Variants in CERS4 observed in about 807,000 individuals in gnomAD.
CERS4 encodes ceramide synthase 4.
In CERS4, 65 loss-of-function variants were observed where a neutral mutation model predicts 51.8. The ratio of observed to expected loss-of-function variants is 1.26; its 90% CI spans 1.03 to 1.54. The LOEUF is 1.54. Ranked by LOEUF, CERS4 falls within the 40% of genes most tolerant of loss-of-function variation. The pLI, the probability that CERS4 is intolerant of heterozygous loss-of-function variation, is 0.00. For synonymous variants in CERS4, 228 were observed against 208.4 expected (o/e 1.09, Z -0.81); for missense variants, 563 against 500.4 (o/e 1.13, Z -1.19).
intron 2 of CERS4, among the ~76,000 whole-genome samples, chr19:8,232,889 A>ATTTT (rs34774744): frequency 1.7e-5 from 1 of 59,172 alleles, no homozygotes; most frequent in African/African-American, 6.6e-5. Context: ...TGCCTCGCTG[A>ATTTT]TTTTTTTTTT....
intron 2 of CERS4, among the ~76,000 whole-genome samples, chr19:8,220,976 G>A (rs1231017946): frequency 2.6e-5 from 4 of 151,644 alleles, no homozygotes; most frequent in East Asian, 1.9e-4. Flanking sequence ...CGCCCGCCAC[G>A]GTGCCTGGCT....
intron 2 of CERS4, among the ~76,000 whole-genome samples, chr19:8,232,551 C>T (rs1054757705): frequency 3.3e-5 from 5 of 151,994 alleles, no homozygotes; most frequent in African/African-American, 1.2e-4. Context: ...CTCGGCCTCC[C>T]AAAGTGCTGG....
intron 2 of CERS4, among the ~76,000 whole-genome samples, chr19:8,225,476 C>T (rs1967748038): frequency 6.9e-6 from 1 of 145,834 alleles, no homozygotes; most frequent in East Asian, 2.0e-4. Context: ...GGCTGGAGTG[C>T]GCAATGGAGC....
intron 9 of CERS4, 153 bp downstream of exon 9, chr19:8,257,230 T>C (rs1451737241): frequency 2.5e-6 from 2 of 802,288 alleles, no homozygotes; most frequent in Non-Finnish European, 3.9e-6. Flanking sequence ...CCCCTCTGTC[T>C]TCCAGGCTGA....
In CERS4 at chr19:8,210,029, C is replaced by G. The variant is rs1420700332; in HGVS notation, c.-159+535C>G. On this transcript the variant is annotated intron_variant, in intron 1 of 11. Transcript: ENST00000251363. The surrounding 1 kb of genome is among the most constrained non-coding windows in gnomAD (Gnocchi z 4.2). ...AGCGAGGGCTTTTTAGGCCCAGGGC[C>G]TAGCCGGGAGTGTGTGCGGAGCAGA... 1 of 50,566 alleles carries G rather than the reference C, an allele frequency of 2.0e-5. No homozygotes were observed. The highest frequency in any genetic ancestry group is 9.2e-5 in the African/African-American group (1 of 10,908). The allele number at this position is 50,566 out of a possible 1,614,324, so 3.1% of individuals were successfully genotyped here.
chr19:8,255,355 A>G (rs1263013374), intron 4 of CERS4, among the ~76,000 whole-genome samples: 2 of 152,136 alleles, frequency 1.3e-5, no homozygotes, highest in East Asian at 3.9e-4. Flanking sequence ...GCTGCACGCC[A>G]GCATCTCTCT....
In CERS4 at chr19:8,255,807, C is replaced by T; in HGVS notation, c.411-15C>T. Reference sequence around the variant, plus strand: ...CGGGTGTCTGCTATTTTCACAGCTCCCTCCCCATCCACAGCTGGAGGTTTC... The same window carrying T: ...CGGGTGTCTGCTATTTTCACAGCTCTCTCCCCATCCACAGCTGGAGGTTTC... On this transcript the variant is annotated splice_polypyrimidine_tract_variant and intron_variant, in intron 5 of 11. Transcript: ENST00000251363. 2 of 1,613,874 alleles carry T rather than the reference C, an allele frequency of 1.2e-6. No individual in the cohort carries two copies. Among genetic ancestry groups the T allele is most frequent in the Non-Finnish European group, 1.7e-6 (2 of 1,179,982 alleles).
At chr19:8,220,001 T>G (rs1967462177) in intron 2 of CERS4, among the ~76,000 whole-genome samples, 1 of 132,498 alleles carries the variant, frequency 7.5e-6, no homozygotes, top group African/African-American at 2.9e-5. Context: ...AAAAAAAAAT[T>G]TGTTAAGTGG....
At chr19:8,237,705 G>A (rs1031462734) in intron 2 of CERS4, among the ~76,000 whole-genome samples, 3 of 152,066 alleles carry the variant, frequency 2.0e-5, no homozygotes, top group African/African-American at 7.2e-5. Context: ...AAAAAAATTA[G>A]CCGGGCGTGG....
chr19:8,212,394 G>GT (rs1182579026), intron 2 of CERS4, among the ~76,000 whole-genome samples: 1 of 152,146 alleles, frequency 6.6e-6, no homozygotes, highest in Non-Finnish European at 1.5e-5. Flanking sequence ...AGCTTTAGGT[G>GT]TAAGTCAGCA....
chr19:8,221,414 T>G (rs1377937452), intron 2 of CERS4, among the ~76,000 whole-genome samples: 1 of 152,160 alleles, frequency 6.6e-6, no homozygotes, highest in East Asian at 1.9e-4. Flanking sequence ...TGTATTTGTT[T>G]TCACGGCTAG....
chr19:8,259,358 A>C (rs551452949), intron 10 of CERS4, among the ~76,000 whole-genome samples: 19 of 152,236 alleles, frequency 1.2e-4, no homozygotes, highest in African/African-American at 4.6e-4. Flanking sequence ...AAGAGCAAGG[A>C]GGCCTGTGTG....
chr19:8,258,241 G>A (rs1969500767), intron 10 of CERS4, among the ~76,000 whole-genome samples: 1 of 152,190 alleles, frequency 6.6e-6, no homozygotes, highest in African/African-American at 2.4e-5. Flanking sequence ...GCGCACCAAA[G>A]TCTGCCCAGT....
At position 8,256,991 on chromosome 19, in the gene CERS4, C is replaced by CTGATGACCT; in HGVS notation, c.657_665dup (p.Leu219_Thr221dup). On this transcript the variant is annotated inframe_insertion, in exon 9 of 12. Coordinates refer to ENST00000251363, the MANE Select transcript of CERS4 (RefSeq NM_024552.3). ...GATACACCACTTCGTGGCGGTCATC[C>CTGATGACCT]TGATGACCTTCTCCTACAGTGCCAA... 1.2e-6 allele frequency: 2 copies of CTGATGACCT among 1,614,122 alleles called. No individual in the cohort carries two copies. Among genetic ancestry groups the CTGATGACCT allele is most frequent in the Non-Finnish European group, 1.7e-6 (2 of 1,179,982 alleles).
At chr19:8,235,825 G>A (rs1222561808) in intron 2 of CERS4, among the ~76,000 whole-genome samples, 1 of 151,900 alleles carries the variant, frequency 6.6e-6, no homozygotes, top group Non-Finnish European at 1.5e-5. Context: ...GCCCCAGGTG[G>A]GTTGAGGCTG....
At chr19:8,218,971 C>T (rs1967416959) in intron 2 of CERS4, among the ~76,000 whole-genome samples, 2 of 152,098 alleles carry the variant, frequency 1.3e-5, no homozygotes, top group Admixed American at 1.3e-4. Context: ...CTTTGGGAGG[C>T]CGAGGCGGGA....
chr19:8,245,117 A>ACAAAACAAAACAAACAAAAAC (rs1260338046), intron 2 of CERS4, among the ~76,000 whole-genome samples: 16 of 143,186 alleles, frequency 1.1e-4, no homozygotes, highest in Middle Eastern at 3.6e-3. Context: ...ATCTCAAAAA[A>ACAAAACAAAACAAACAAAAAC]AAAAAAAAAA....
intron 10 of CERS4, among the ~76,000 whole-genome samples, chr19:8,259,792 C>T (rs1368145017): frequency 6.6e-6 from 1 of 152,138 alleles, no homozygotes. Flanking sequence ...GTTGTCAGTC[C>T]ATGGCTGGTA....
rs1380012511 is a variant in CERS4, at chr19:8,262,110, C to A, written c.*1C>A. 1 of 1,466,836 alleles carries A rather than the reference C, an allele frequency of 6.8e-7. No homozygotes were observed. Among genetic ancestry groups the A allele is most frequent in the Non-Finnish European group, 9.0e-7 (1 of 1,112,174 alleles). 90.9% of individuals were successfully genotyped at this position (1,466,836 alleles called of 1,614,324 possible). On this transcript the variant is annotated 3_prime_UTR_variant, in exon 12 of 12. Transcript: ENST00000251363. ...CAACAGGCACACAACAGCCACATAG[C>A]CGGGCGGGGCTGGCTGTAAGGGGTT...
Sources: gnomAD v4.1 joint callset for allele counts (sites outside exome capture counted in the v4.1 genomes callset) on GRCh38, gnomAD v4.1.1 for gene constraint, Gnocchi (gnomAD v3.1) non-coding constraint, MANE v1.5 for transcripts, NCBI Gene and HGNC (gene_info 2026-07-23, HGNC 2026-07-21) for gene names.